The following MYBPC1 variants were observed in gnomAD, a reference collection of about 807,000 sequenced individuals.
MYBPC1 encodes the protein myosin-binding protein C, slow-type.
In MYBPC1, 52 loss-of-function variants were observed where a neutral mutation model predicts 147.1. The ratio of observed to expected loss-of-function variants is 0.35; its 90% CI spans 0.28 to 0.45. The LOEUF is 0.45. MYBPC1 is among the 20% of genes least tolerant of loss of function. The pLI is 1.00. For missense variants in MYBPC1, 1,228 were observed against 1,440.3 expected (o/e 0.85, Z 2.39); for synonymous variants, 477 against 475.9 (o/e 1.00, Z -0.03).
chr12:101,685,809 G>GAT lies in MYBPC1; in HGVS notation c.*248_*249insTA, dbSNP rs1351443527. On this transcript the variant is annotated 3_prime_UTR_variant, in exon 32 of 32. Transcript: ENST00000361466. The stretch of plus-strand genomic sequence containing the variant: ...CTTTTTCTTTCCTCCTAATGTTGAA[G>GAT]AGAAAAAAAAAAAAAAAAGTTTGCC... The GAT allele has an allele frequency of 4.6e-4, 132 of 287,352 alleles. No homozygotes were observed. Among genetic ancestry groups the GAT allele is most frequent in the East Asian group, 2.6e-3 (30 of 11,754 alleles). 17.8% of individuals were successfully genotyped at this position (287,352 alleles called of 1,614,324 possible). A position where few individuals can be genotyped will look rare whatever the true frequency, so the allele number is the denominator to read the frequency against.
intron 25 of MYBPC1, among the ~76,000 whole-genome samples, chr12:101,674,318 C>T (rs137878322): frequency 2.1e-4 from 32 of 152,156 alleles, no homozygotes; most frequent in Middle Eastern, 6.8e-3. Context: ...TCTTACTACA[C>T]CTAAAATTTG....
intron 28 of MYBPC1, among the ~76,000 whole-genome samples, chr12:101,678,879 C>T: frequency 6.6e-6 from 1 of 152,160 alleles, no homozygotes; most frequent in South Asian, 2.1e-4. Flanking sequence ...ATAGGGAAGT[C>T]GTCCGGGCGC....
At chr12:101,625,454 G>T (rs954288594) in intron 3 of MYBPC1, among the ~76,000 whole-genome samples, 1 of 152,106 alleles carries the variant, frequency 6.6e-6, no homozygotes, top group African/African-American at 2.4e-5. Context: ...TAACCCGCTG[G>T]CTGATAATAT....
intron 15 of MYBPC1, among the ~76,000 whole-genome samples, chr12:101,650,263 G>T (rs558684013): frequency 1.6e-3 from 250 of 152,306 alleles, no homozygotes; most frequent in Non-Finnish European, 2.8e-3. Context: ...CATAGGGTTT[G>T]TAGGGGAAAT....
At chr12:101,675,016 G>A (rs980781227) in intron 25 of MYBPC1, among the ~76,000 whole-genome samples, 3 of 151,400 alleles carry the variant, frequency 2.0e-5, no homozygotes, top group Non-Finnish European at 4.4e-5. Context: ...TCCCTTAAAG[G>A]GTCATTCCCT....
At chr12:101,670,443 G>A (rs1303633647) in intron 24 of MYBPC1, 34 bp downstream of exon 24, 2 of 1,559,052 alleles carry the variant, frequency 1.3e-6, no homozygotes, top group Non-Finnish European at 1.8e-6. Context: ...TTTCTCTTTA[G>A]AGGGCTGGAT....
At chr12:101,688,699 G>A (rs1484269849), downstream of MYBPC1, among the ~76,000 whole-genome samples, 1 of 141,062 alleles carries the variant, frequency 7.1e-6, no homozygotes, top group Non-Finnish European at 1.6e-5. Flanking sequence ...GGTGGCTGAC[G>A]TCTGTAATCC....
chr12:101,642,448 A>C lies in MYBPC1; in HGVS notation c.695A>C (p.Gln232Pro). 2 of 1,614,128 alleles carry C rather than the reference A, an allele frequency of 1.2e-6. No homozygotes were observed. Among genetic ancestry groups the C allele is most frequent in the Admixed American group, 3.3e-5 (2 of 60,030 alleles). Reference protein sequence around the residue: ...REVKQQEEEPQVDVWELLKNA... With the variant: ...REVKQQEEEPPVDVWELLKNA... ...GTGAAGCAGCAGGAGGAAGAACCCC[A>C]GGTGGACGTATGGGAGTTGCTGAAG... The change falls in exon 11 of 32, where the codon CAG (glutamine) becomes CCG (proline). Residue 232 changes from glutamine (Q) to proline (P), a missense_variant. Transcript: ENST00000361466.
chr12:101,596,947 G>A (rs1282395434), intron 1 of MYBPC1, among the ~76,000 whole-genome samples: 1 of 152,174 alleles, frequency 6.6e-6, no homozygotes, highest in Non-Finnish European at 1.5e-5. Flanking sequence ...GGGGATTGGG[G>A]CAAGAAGAGT....
intron 8 of MYBPC1, 43 bp from the exon 9 acceptor site, chr12:101,634,511 T>C: frequency 6.7e-7 from 1 of 1,491,472 alleles, no homozygotes; most frequent in Non-Finnish European, 9.4e-7. Context: ...ACAAACTACC[T>C]CCTTAATGGG....
chr12:101,661,099 C>CT (rs946421905), intron 19 of MYBPC1, 59 bp from the exon 20 acceptor site: 783 of 1,100,876 alleles, frequency 7.1e-4, no homozygotes, highest in Non-Finnish European at 9.3e-4. Flanking sequence ...TTCCTATTAA[C>CT]TTTTTTTTTC....
the MYBPC1 span, among the ~76,000 whole-genome samples, chr12:101,692,519 C>A: frequency 6.6e-6 from 1 of 152,172 alleles, no homozygotes; most frequent in Non-Finnish European, 1.5e-5. Context: ...AGTTTTTGAA[C>A]CTCACTGTGC....
intron 1 of MYBPC1, among the ~76,000 whole-genome samples, chr12:101,606,599 C>T (rs1372728122): frequency 1.3e-5 from 2 of 151,950 alleles, no homozygotes; most frequent in African/African-American, 2.4e-5. Context: ...CCACCATGCC[C>T]AGCCTACTTC....
chr12:101,664,516 C>T (rs750409162), intron 22 of MYBPC1: 4 of 152,192 alleles, frequency 2.6e-5, no homozygotes, highest in Non-Finnish European at 4.4e-5. Context: ...TTACGAAGCA[C>T]ATTTGGGAAA....
intron 22 of MYBPC1, among the ~76,000 whole-genome samples, chr12:101,664,871 G>A (rs1897170938): frequency 6.6e-6 from 1 of 152,154 alleles, no homozygotes; most frequent in African/African-American, 2.4e-5. Flanking sequence ...AAATTCTTGA[G>A]CACTTCAGTT....
At chr12:101,639,832 A>G (rs2136153234) in intron 10 of MYBPC1, among the ~76,000 whole-genome samples, 1 of 152,070 alleles carries the variant, frequency 6.6e-6, no homozygotes, top group Non-Finnish European at 1.5e-5. Flanking sequence ...GATAGCTGAA[A>G]TATGTAATGT....
intron 23 of MYBPC1, chr12:101,669,950 A>AAAAAAAAAAAT: frequency 8.6e-6 from 3 of 349,464 alleles, no homozygotes; most frequent in East Asian, 9.2e-5. Context: ...GAAAAAAAAA[A>AAAAAAAAAAAT]AGAAACTATG....
At chr12:101,628,604 T>A (rs1889167727) in intron 5 of MYBPC1, among the ~76,000 whole-genome samples, 1 of 152,176 alleles carries the variant, frequency 6.6e-6, no homozygotes, top group South Asian at 2.1e-4. Context: ...TTCCAGTTAC[T>A]AAATGGCTGA....
rs751404402 is a variant in MYBPC1, at chr12:101,659,819, G to A, written c.1915G>A (p.Val639Ile). 6.8e-6 allele frequency: 11 copies of A among 1,613,972 alleles called. No homozygotes were observed. In the Admixed American group the frequency reaches 1.2e-4, roughly 17 times the overall value. ...EAGEAHASIK[V>I]KVVDFPDPPV... ...TGGAGAGGCACATGCAAGCATCAAG[G>A]TTAAAGTTGTGGGTAAGTCCTCCAG... The change falls in exon 19 of 32, where the codon GTT becomes ATT. Residue 639 changes from valine to isoleucine, a missense_variant. Coordinates refer to ENST00000361466, the MANE Select transcript of MYBPC1 (RefSeq NM_002465.4).
Sources: gnomAD v4.1 joint callset for allele counts (sites outside exome capture counted in the v4.1 genomes callset) on GRCh38, gnomAD v4.1.1 for gene constraint, MANE v1.5 for transcripts, NCBI Gene and HGNC (gene_info 2026-07-23, HGNC 2026-07-21) for gene names.